Variants in PREX2 observed in about 807,000 individuals in gnomAD.
PREX2 encodes phosphatidylinositol-3,4,5-trisphosphate dependent Rac exchange factor 2.
Under a neutral mutation model 203.2 loss-of-function variants are expected in PREX2, and 107 were observed. The ratio of observed to expected loss-of-function variants is 0.53; its 90% confidence interval spans 0.45 to 0.62. The LOEUF is 0.62. Among genes scored for constraint, PREX2 ranks in the 20% least tolerant of loss-of-function variants. The pLI is 0.00. For missense variants in PREX2, 1,777 were observed against 1,955.9 expected (o/e 0.91, Z 1.72); for synonymous variants, 672 against 663.6 (o/e 1.01, Z -0.19).
intron 1 of PREX2, among the ~76,000 whole-genome samples, chr8:67,978,943 AAATT>A (rs759271564): frequency 1.2e-4 from 18 of 152,330 alleles, no homozygotes; most frequent in Non-Finnish European, 2.2e-4. Context: ...AAGAAGTTCT[AAATT>A]AATCATGCAC....
intron 1 of PREX2, among the ~76,000 whole-genome samples, chr8:68,009,104 C>T (rs1348625696): frequency 2.0e-5 from 3 of 152,070 alleles, no homozygotes; most frequent in Non-Finnish European, 4.4e-5. Context: ...GGGGAGTAGC[C>T]GTCGGGCAGC....
intron 5 of PREX2, among the ~76,000 whole-genome samples, chr8:68,028,478 C>G (rs187634808): frequency 1.3e-5 from 2 of 151,982 alleles, no homozygotes; most frequent in Non-Finnish European, 2.9e-5. Context: ...TGAATTTGAA[C>G]TAAAAATATA....
intron 1 of PREX2, among the ~76,000 whole-genome samples, chr8:67,998,480 G>A (rs372956752): frequency 1.3e-5 from 2 of 152,248 alleles, no homozygotes; most frequent in African/African-American, 4.8e-5. Flanking sequence ...GCCTCTATAA[G>A]TTCCTGAATC....
At chr8:67,999,969 A>G (rs1432428819) in intron 1 of PREX2, among the ~76,000 whole-genome samples, 5 of 152,240 alleles carry the variant, frequency 3.3e-5, no homozygotes, top group African/African-American at 9.6e-5. Flanking sequence ...ACATGCCTCA[A>G]AATAATAAAA....
At chr8:68,171,982 T>C (rs1310025051) in intron 35 of PREX2, among the ~76,000 whole-genome samples, 1 of 152,224 alleles carries the variant, frequency 6.6e-6, no homozygotes, top group African/African-American at 2.4e-5. Context: ...ATCTCCTCTA[T>C]AGCAGTTTTA....
intron 35 of PREX2, among the ~76,000 whole-genome samples, chr8:68,165,533 CG>C (rs2129614095): frequency 6.6e-6 from 1 of 152,120 alleles, no homozygotes; most frequent in African/African-American, 2.4e-5. Flanking sequence ...TTGCTCACAG[CG>C]ACTCCAGGAC....
chr8:68,095,841 C>T (rs1810054126), intron 21 of PREX2, among the ~76,000 whole-genome samples: 1 of 151,992 alleles, frequency 6.6e-6, no homozygotes, highest in Admixed American at 6.6e-5. Context: ...CAAGGTCTTG[C>T]CATGTTGCCC....
chr8:68,136,437 C>T lies in PREX2; in HGVS notation c.3985-1978C>T, dbSNP rs560367475. On this transcript the variant is annotated intron_variant, in intron 32 of 39. Transcript: ENST00000288368. ...GGAATGTGAATGGCTCTAGGAGCAGCGCTCTGGTGGTCTGTGTGCCCCTGA... is the reference window on the plus strand; with the variant it reads ...GGAATGTGAATGGCTCTAGGAGCAGTGCTCTGGTGGTCTGTGTGCCCCTGA... 4.8e-4 allele frequency among the ~76,000 whole-genome samples: 73 copies of T among 152,290 alleles called. 1 individual carries two copies. In the South Asian group the frequency reaches 6.4e-3, roughly 13 times the overall value.
intron 34 of PREX2, among the ~76,000 whole-genome samples, chr8:68,154,324 C>T (rs1811499448): frequency 6.6e-6 from 1 of 152,188 alleles, no homozygotes; most frequent in African/African-American, 2.4e-5. Flanking sequence ...CATGAGCTGT[C>T]TTAATACTAG....
intron 13 of PREX2, among the ~76,000 whole-genome samples, chr8:68,071,789 G>A (rs911324017): frequency 3.3e-5 from 5 of 152,076 alleles, no homozygotes; most frequent in Non-Finnish European, 5.9e-5. Context: ...GGTTCTTAGT[G>A]TGTCTACTTC....
chr8:68,067,590 T>C (rs1217432575), intron 11 of PREX2, among the ~76,000 whole-genome samples: 1 of 152,082 alleles, frequency 6.6e-6, no homozygotes, highest in East Asian at 1.9e-4. Context: ...AATGTTGACT[T>C]TGTATCCTGC....
In PREX2 at chr8:68,109,435, G is replaced by T. The variant is rs1396223800; in HGVS notation, c.2958G>T (p.Val986=). 8 of 1,613,850 alleles carry T rather than the reference G, an allele frequency of 5.0e-6. No homozygotes were observed. In the South Asian group the frequency reaches 8.8e-5, roughly 18 times the overall value. ...CCTCAGGGAAACTGAGCCCTATGGT[G>T]TACATTCAGCACACCATCACAACCA... The part of the protein sequence containing the change: ...SSEQGKLSPM[V]YIQHTITTMA... The change falls in exon 25 of 40, where the codon GTG becomes GTT. Residue 986 remains valine (V), a synonymous_variant. Coordinates refer to ENST00000288368, the MANE Select transcript of PREX2 (RefSeq NM_024870.4).
intron 35 of PREX2, among the ~76,000 whole-genome samples, chr8:68,158,942 C>G (rs1811600729): frequency 6.6e-6 from 1 of 152,054 alleles, no homozygotes; most frequent in Non-Finnish European, 1.5e-5. Flanking sequence ...TGAATCGTAG[C>G]TAGACTTCAG....
chr8:68,170,372 G>A (rs1811851378), intron 35 of PREX2, among the ~76,000 whole-genome samples: 1 of 152,238 alleles, frequency 6.6e-6, no homozygotes, highest in Non-Finnish European at 1.5e-5. Flanking sequence ...AATAGTTAAA[G>A]TTTGCACAAG....
At position 67,955,016 on chromosome 8, in the gene PREX2, C is replaced by T. The variant is rs13253684; in HGVS notation, c.141+2481C>T. Among the ~76,000 whole-genome samples the T allele has an allele frequency of 8.8e-3, 1,335 of 151,860 alleles. 12 individuals carry two copies. The highest frequency in any genetic ancestry group is 0.015 in the Non-Finnish European group (1,011 of 67,922). On this transcript the variant is annotated intron_variant, in intron 1 of 39. Transcript: ENST00000288368. ...AAAATTAGCCGGGCGTGGTGGTGGA[C>T]ACCTTTAATCCCAGTTACTCAGGAG...
At chr8:67,987,144 C>G (rs1355304944) in intron 1 of PREX2, among the ~76,000 whole-genome samples, 1 of 101,468 alleles carries the variant, frequency 9.9e-6, no homozygotes, top group East Asian at 3.2e-4. Flanking sequence ...CAGAGTGAGA[C>G]TTCATCTCAA....
rs1313991664 is a variant in PREX2 at position 68,217,454 on chromosome 8, T to C, written c.4605-162T>C. On this transcript the variant is annotated intron_variant, in intron 37 of 39. Coordinates refer to ENST00000288368, the MANE Select transcript of PREX2 (RefSeq NM_024870.4). Reference sequence around the variant, plus strand: ...TGACCCCAGTAATGTACCTTTATAATCTATTTTTAAACTGGTATTTTATGT... The same window carrying C: ...TGACCCCAGTAATGTACCTTTATAACCTATTTTTAAACTGGTATTTTATGT... Among the ~76,000 whole-genome samples, 11 of 152,342 alleles carry C rather than the reference T, an allele frequency of 7.2e-5. No homozygotes were observed. The East Asian group carries it at 1.2e-3, about 16-fold the overall frequency.
At chr8:68,086,482 T>C (rs1809695978) in intron 18 of PREX2, among the ~76,000 whole-genome samples, 1 of 152,214 alleles carries the variant, frequency 6.6e-6, no homozygotes, top group Non-Finnish European at 1.5e-5. Context: ...TTAACTCATC[T>C]TTTGGGAAAC....
intron 35 of PREX2, among the ~76,000 whole-genome samples, chr8:68,181,973 G>C (rs1389160908): frequency 6.6e-6 from 1 of 152,030 alleles, no homozygotes; most frequent in East Asian, 1.9e-4. Context: ...TAAGGGATGT[G>C]CCAGGTGCTG....
Sources: allele counts gnomAD v4.1 joint callset (sites outside exome capture counted in the v4.1 genomes callset), GRCh38; gene constraint gnomAD v4.1.1; transcripts MANE v1.5; gene names NCBI Gene and HGNC (gene_info 2026-07-23, HGNC 2026-07-21).